The following SEPTIN9 variants were observed in gnomAD, a reference collection of about 807,000 sequenced individuals.
The protein encoded by SEPTIN9 is septin-9.
SEPTIN9 carries 13 observed loss-of-function variants against 56.6 expected under a neutral mutation model. The ratio of observed to expected loss-of-function variants is 0.23; its 90% CI spans 0.15 to 0.37. The LOEUF is 0.37. Among genes scored for constraint, SEPTIN9 ranks in the 10% least tolerant of loss-of-function variants. The pLI, the probability that SEPTIN9 is intolerant of heterozygous loss-of-function variation, is 1.00. For synonymous variants in SEPTIN9, 332 were observed against 334.1 expected (o/e 0.99, Z 0.07); for missense variants, 650 against 823.1 (o/e 0.79, Z 2.57).
At chr17:77,477,961 C>T (rs1335078599) in intron 3 of SEPTIN9, among the ~76,000 whole-genome samples, 1 of 152,030 alleles carries the variant, frequency 6.6e-6, no homozygotes, top group South Asian at 2.1e-4. Flanking sequence ...CCTGGAGGTG[C>T]GATGGGGATC....
chr17:77,418,205 C>T (rs2144196897), intron 3 of SEPTIN9, among the ~76,000 whole-genome samples: 2 of 152,328 alleles, frequency 1.3e-5, no homozygotes, highest in East Asian at 3.9e-4. Context: ...CCTGCCTCAT[C>T]TCGGAGTCCC....
intron 2 of SEPTIN9, among the ~76,000 whole-genome samples, chr17:77,335,139 T>C (rs558458021): frequency 6.6e-6 from 1 of 152,096 alleles, no homozygotes; most frequent in Non-Finnish European, 1.5e-5. Flanking sequence ...CATATATACA[T>C]GTAGGCCCTA....
chr17:77,484,262 T>TGATGGTGGTAGTGGTGG (rs1555678419), intron 4 of SEPTIN9: 2 of 145,790 alleles, frequency 1.4e-5, no homozygotes, highest in African/African-American at 5.2e-5. Flanking sequence ...GGGATGATGG[T>TGATGGTGGTAGTGGTGG]GATGGTGGTG....
At chr17:77,379,346 T>C (rs1007869454) in intron 2 of SEPTIN9, among the ~76,000 whole-genome samples, 1 of 151,626 alleles carries the variant, frequency 6.6e-6, no homozygotes, top group South Asian at 2.1e-4. Context: ...CGGTACACAG[T>C]GGCCACCTGG....
At chr17:77,416,742 T>G (rs2036521585) in intron 3 of SEPTIN9, among the ~76,000 whole-genome samples, 1 of 152,098 alleles carries the variant, frequency 6.6e-6, no homozygotes, top group Non-Finnish European at 1.5e-5. Context: ...TTGTCCACCC[T>G]CGCCCACTCA....
At chr17:77,358,143 C>G (rs898001450) in intron 2 of SEPTIN9, among the ~76,000 whole-genome samples, 1 of 152,156 alleles carries the variant, frequency 6.6e-6, no homozygotes, top group Non-Finnish European at 1.5e-5. Context: ...TCCCACTACC[C>G]AGTGAATGTC....
chr17:77,409,084 G>T (rs1254099593), intron 3 of SEPTIN9, among the ~76,000 whole-genome samples: 1 of 152,110 alleles, frequency 6.6e-6, no homozygotes, highest in African/African-American at 2.4e-5. Flanking sequence ...CTGCCGGGAT[G>T]CCTTACTCGG....
intron 2 of SEPTIN9, among the ~76,000 whole-genome samples, chr17:77,314,047 A>G (rs1303358354): frequency 1.3e-5 from 2 of 152,132 alleles, no homozygotes; most frequent in Non-Finnish European, 2.9e-5. Flanking sequence ...TAAAAATACA[A>G]AAAGTTAGCT....
chr17:77,319,978 G>A lies in SEPTIN9; in HGVS notation c.76+12781G>A. On this transcript the variant is annotated intron_variant, in intron 2 of 11. Transcript: ENST00000427177. The surrounding 1 kb of genome is among the most constrained non-coding windows in gnomAD (Gnocchi z 5.3). ...GGGCGGCCGGGACTCTGGGACTCTCGCAGGCAGACCCGGTGGTCTGCCGGA... is the reference window on the plus strand; with the variant it reads ...GGGCGGCCGGGACTCTGGGACTCTCACAGGCAGACCCGGTGGTCTGCCGGA... The A allele has an allele frequency of 1.2e-5, 15 of 1,214,632 alleles. No individual in the cohort carries two copies. Among genetic ancestry groups the A allele is most frequent in the South Asian group, 2.3e-5 (1 of 42,656 alleles). 75.2% of individuals were successfully genotyped at this position (1,214,632 alleles called of 1,614,324 possible). A position where few individuals can be genotyped will look rare whatever the true frequency, so the allele number is the denominator to read the frequency against.
chr17:77,313,942 T>G lies in SEPTIN9; in HGVS notation c.76+6745T>G, dbSNP rs1433152663. Among the ~76,000 whole-genome samples, 1 of 152,042 alleles carries G rather than the reference T, an allele frequency of 6.6e-6. No homozygotes were observed. The highest frequency in any genetic ancestry group is 1.5e-5 in the Non-Finnish European group (1 of 68,012). Reference sequence around the variant, plus strand: ...CAGGCTAGGCATGGTGACCCATGCCTGTAATCCCAGTACTTTTGGAGCCGA... The same window carrying G: ...CAGGCTAGGCATGGTGACCCATGCCGGTAATCCCAGTACTTTTGGAGCCGA... On this transcript the variant is annotated intron_variant, in intron 2 of 11. Coordinates refer to ENST00000427177, the MANE Select transcript of SEPTIN9 (RefSeq NM_001113491.2). The surrounding 1 kb of genome is among the most constrained non-coding windows in gnomAD (Gnocchi z 4.5).
At chr17:77,494,620 A>G (rs995818864) in intron 10 of SEPTIN9, among the ~76,000 whole-genome samples, 3 of 152,232 alleles carry the variant, frequency 2.0e-5, no homozygotes, top group Non-Finnish European at 4.4e-5. Context: ...GAGGCATCAG[A>G]CACTCCTGTG....
chr17:77,489,531 C>CCAGA (rs2039937839), intron 7 of SEPTIN9, among the ~76,000 whole-genome samples: 1 of 152,184 alleles, frequency 6.6e-6, no homozygotes, highest in Admixed American at 6.5e-5. Context: ...AGGAGGAGGA[C>CCAGA]CAGAGGCCAG....
intron 2 of SEPTIN9, among the ~76,000 whole-genome samples, chr17:77,340,807 G>A (rs970683668): frequency 2.0e-5 from 3 of 152,178 alleles, no homozygotes; most frequent in South Asian, 2.1e-4. Context: ...ACTTGCTGCC[G>A]CTTCTCCATC....
chr17:77,320,482 C>A, intron 2 of SEPTIN9: 1 of 826,256 alleles, frequency 1.2e-6, no homozygotes, highest in Non-Finnish European at 2.1e-6. Flanking sequence ...TTCTTTTTGA[C>A]GGTTCCAAGC....
In SEPTIN9 at chr17:77,453,605, C is replaced by CA. The variant is rs35634675; in HGVS notation, c.722-28522dup. ...GGGCAACAAGAGTGAAACTCTGTCT[C>CA]AAAAAAAAAAAAAAAAAGCCTTATC... On this transcript the variant is annotated intron_variant, in intron 3 of 11. Transcript: ENST00000427177. This position sits in a 1 kb window ranked among gnomAD's most constrained non-coding sequence, Gnocchi z 4.4. Among the ~76,000 whole-genome samples the CA allele has an allele frequency of 0.043, 3,495 of 80,942 alleles. 109 individuals carry two copies. The highest frequency in any genetic ancestry group is 0.11 in the African/African-American group (2,674 of 23,492). The allele number at this position is 80,942 out of a possible 152,430, so 53.1% of individuals were successfully genotyped here.
chr17:77,403,206 C>T (rs1446102888), intron 3 of SEPTIN9, among the ~76,000 whole-genome samples: 2 of 152,152 alleles, frequency 1.3e-5, no homozygotes, highest in South Asian at 2.1e-4. Context: ...GGAGGAGGGA[C>T]GTATGCCTCC....
At chr17:77,396,740 G>A (rs6501953) in intron 2 of SEPTIN9, among the ~76,000 whole-genome samples, 4 of 152,114 alleles carry the variant, frequency 2.6e-5, no homozygotes, top group Admixed American at 2.0e-4. Flanking sequence ...AATGTCCTCC[G>A]TGGGGAGGCA....
chr17:77,399,175 A>C (rs758887399), intron 2 of SEPTIN9, among the ~76,000 whole-genome samples: 1 of 152,132 alleles, frequency 6.6e-6, no homozygotes, highest in Non-Finnish European at 1.5e-5. Flanking sequence ...ACTCAATCGT[A>C]AGCTCACACC....
intron 2 of SEPTIN9, among the ~76,000 whole-genome samples, chr17:77,356,326 G>C (rs1224256570): frequency 6.6e-6 from 1 of 152,108 alleles, no homozygotes; most frequent in Non-Finnish European, 1.5e-5. Context: ...GGGACTCCGG[G>C]CTGAGCTCCT....
Sources: gnomAD v4.1 joint callset for allele counts (sites outside exome capture counted in the v4.1 genomes callset) on GRCh38, gnomAD v4.1.1 for gene constraint, Gnocchi (gnomAD v3.1) non-coding constraint, MANE v1.5 for transcripts, NCBI Gene and HGNC (gene_info 2026-07-23, HGNC 2026-07-21) for gene names.